Variants in RIPOR2 observed in about 807,000 individuals in gnomAD.
RIPOR2 encodes RHO family interacting cell polarization regulator 2, also known as rho family-interacting cell polarization regulator 2.
In RIPOR2, 39 loss-of-function variants were observed where a neutral mutation model predicts 114.5. The observed-to-expected ratio is 0.34, with a 90% confidence interval of 0.26 to 0.44. The LOEUF is 0.44. Ranked by LOEUF, RIPOR2 falls within the 20% of genes least tolerant of loss-of-function variation. The probability of loss-of-function intolerance (pLI) is 1.00; values close to 1 mark genes in which losing one functional copy is unlikely to be tolerated. For synonymous variants in RIPOR2, 445 were observed against 484.4 expected (o/e 0.92, Z 1.07); for missense variants, 1,007 against 1,255.1 (o/e 0.80, Z 2.99).
At chr6:24,996,791 A>G (rs1775068282) in intron 1 of RIPOR2, among the ~76,000 whole-genome samples, 1 of 152,218 alleles carries the variant, frequency 6.6e-6, no homozygotes, top group African/African-American at 2.4e-5. Flanking sequence ...CTTCTATTAT[A>G]GCACTTACTG....
In RIPOR2 at chr6:24,920,292, A is replaced by G. The variant is rs1770382336; in HGVS notation, c.61+15546T>C. On this transcript the variant is annotated intron_variant, in intron 1 of 21. Coordinates refer to ENST00000643898, the MANE Select transcript of RIPOR2 (RefSeq NM_001286445.3). ...ATGTATGGCCTTGGAGCAAAAGGGC[A>G]AGAAATGCAAGCATGTGAACTTGGT... Among the ~76,000 whole-genome samples the G allele has an allele frequency of 2.0e-5, 3 of 152,244 alleles. No individual in the cohort carries two copies. In the South Asian group the frequency reaches 6.2e-4, roughly 31 times the overall value.
At chr6:24,982,975 T>A (rs998673961) in intron 1 of RIPOR2, among the ~76,000 whole-genome samples, 2 of 152,180 alleles carry the variant, frequency 1.3e-5, no homozygotes. Flanking sequence ...AGCCAATCAG[T>A]AGCTTAGGTT....
intron 1 of RIPOR2, among the ~76,000 whole-genome samples, chr6:24,889,152 C>T (rs963801128): frequency 1.4e-4 from 22 of 152,166 alleles, no homozygotes; most frequent in African/African-American, 4.6e-4. Context: ...TGGGGATCAT[C>T]AAGAGATGCA....
intron 13 of RIPOR2, chr6:24,840,902 G>A (rs552507760): frequency 2.7e-4 from 233 of 848,952 alleles, no homozygotes; most frequent in Non-Finnish European, 3.8e-4. Flanking sequence ...CAGTCTCAGG[G>A]GGAGACAGGG....
chr6:24,810,731 T>C (rs750598332), intron 20 of RIPOR2, among the ~76,000 whole-genome samples: 1 of 151,768 alleles, frequency 6.6e-6, no homozygotes, highest in Non-Finnish European at 1.5e-5. Context: ...TAGCAATCAC[T>C]GTGGGCTTTC....
chr6:24,825,469 C>A (rs780165936), intron 18 of RIPOR2, 41 bp from the exon 19 acceptor site: 145 of 1,371,574 alleles, frequency 1.1e-4, no homozygotes, highest in Non-Finnish European at 1.4e-4. Context: ...TTCTGACATG[C>A]TAAAGTAATC....
chr6:24,918,040 C>A (rs1163213849), intron 1 of RIPOR2, among the ~76,000 whole-genome samples: 1 of 152,208 alleles, frequency 6.6e-6, no homozygotes, highest in African/African-American at 2.4e-5. Context: ...TCTTCTGTCT[C>A]CTGGAGGGCT....
At position 24,804,945 on chromosome 6, in the gene RIPOR2, A is replaced by G. The variant is rs2113605715; in HGVS notation, c.*1428T>C. ...TCTCTGATACTGAAGCAATAATGGGACCTGATGTTTGAACTATTTGGCCAG... is the reference window on the plus strand; with the variant it reads ...TCTCTGATACTGAAGCAATAATGGGGCCTGATGTTTGAACTATTTGGCCAG... On this transcript the variant is annotated 3_prime_UTR_variant, in exon 22 of 22. Transcript: ENST00000643898. 6.6e-6 allele frequency: 1 copy of G among 152,264 alleles called. No homozygotes were observed. The highest frequency in any genetic ancestry group is 2.1e-4 in the South Asian group (1 of 4,820). The allele number at this position is 152,264 out of a possible 1,614,324, so 9.4% of individuals were successfully genotyped here.
In RIPOR2 at chr6:24,824,169, T is replaced by A. The variant is rs142666078; in HGVS notation, c.2868+1057A>T. Among the ~76,000 whole-genome samples, 183 of 152,346 alleles carry A rather than the reference T, an allele frequency of 1.2e-3. 1 individual carries two copies. The East Asian group carries it at 0.015, about 12-fold the overall frequency. On this transcript the variant is annotated intron_variant, in intron 19 of 21. Coordinates refer to ENST00000643898, the MANE Select transcript of RIPOR2 (RefSeq NM_001286445.3). ...ACACTCAGATGCGTATATATCCTGC[T>A]ACCAGCATGTTCACGATTCTTTAAT...
chr6:24,954,633 A>C (rs1772947310), intron 1 of RIPOR2, among the ~76,000 whole-genome samples: 1 of 151,554 alleles, frequency 6.6e-6, no homozygotes, highest in South Asian at 2.1e-4. Context: ...TTTTTTGTAG[A>C]GACAATATCT....
chr6:24,847,595 A>G, intron 12 of RIPOR2: 1 of 1,551,740 alleles, frequency 6.4e-7, no homozygotes, highest in South Asian at 1.2e-5. Flanking sequence ...AGGTCACTGA[A>G]GGAGCGGCTG....
At chr6:24,847,429 T>G (rs1426249323) in intron 12 of RIPOR2, 1 of 1,120,248 alleles carries the variant, frequency 8.9e-7, no homozygotes, top group Non-Finnish European at 1.3e-6. Flanking sequence ...ACAGTACAGC[T>G]GTAACCATAC....
chr6:25,016,061 G>A (rs999311013), intron 1 of RIPOR2, among the ~76,000 whole-genome samples: 1 of 151,570 alleles, frequency 6.6e-6, no homozygotes, highest in Non-Finnish European at 1.5e-5. Flanking sequence ...GCGCCATCAT[G>A]CCTAGCTAAT....
rs571230073 is a variant in RIPOR2 at position 24,808,198 on chromosome 6, T to G, written c.3043+1519A>C. Among the ~76,000 whole-genome samples the G allele has an allele frequency of 6.6e-5, 10 of 152,282 alleles. 1 individual carries two copies. In the South Asian group the frequency reaches 1.7e-3, roughly 25 times the overall value. The stretch of plus-strand genomic sequence containing the variant: ...ATGAAGAGCTAAGGTGAAGCAGGTA[T>G]GGTGATGGCTTCTGGAGATGCTGCT... On this transcript the variant is annotated intron_variant, in intron 21 of 21. Coordinates refer to ENST00000643898, the MANE Select transcript of RIPOR2 (RefSeq NM_001286445.3).
At chr6:24,919,646 G>A (rs542878129) in intron 1 of RIPOR2, among the ~76,000 whole-genome samples, 3 of 152,170 alleles carry the variant, frequency 2.0e-5, no homozygotes, top group Admixed American at 6.5e-5. Context: ...ACCTGCTCTC[G>A]TTTGTTCTCT....
At position 24,969,394 on chromosome 6, in the gene RIPOR2, G is replaced by C. The variant is rs551658931; in HGVS notation, c.76+72457C>G. ...TTAACAAGATCCTGGGGTGATTCAC[G>C]TGCAGGTTAAATTTTAGGGAGCTGG... On this transcript the variant is annotated intron_variant, in intron 1 of 13. Transcript: ENST00000510784. Among the ~76,000 whole-genome samples, 9 of 152,322 alleles carry C rather than the reference G, an allele frequency of 5.9e-5. No individual in the cohort carries two copies. In the East Asian group the frequency reaches 1.5e-3, roughly 26 times the overall value.
At chr6:24,989,957 G>A (rs776271801) in intron 1 of RIPOR2, among the ~76,000 whole-genome samples, 1 of 151,890 alleles carries the variant, frequency 6.6e-6, no homozygotes, top group East Asian at 1.9e-4. Flanking sequence ...CTTGAACCTG[G>A]GAGACAGAGG....
chr6:24,857,879 C>G (rs1332269651), intron 8 of RIPOR2, among the ~76,000 whole-genome samples: 1 of 152,154 alleles, frequency 6.6e-6, no homozygotes, highest in Non-Finnish European at 1.5e-5. Flanking sequence ...CTCCGTTTAG[C>G]CTGGCATTCA....
chr6:24,935,268 A>G (rs1361605134), intron 1 of RIPOR2, among the ~76,000 whole-genome samples: 1 of 147,650 alleles, frequency 6.8e-6, no homozygotes, highest in Non-Finnish European at 1.5e-5. Context: ...AGATTGCACC[A>G]CTGCACTCCA....
Sources: gnomAD v4.1 joint callset for allele counts (sites outside exome capture counted in the v4.1 genomes callset) on GRCh38, gnomAD v4.1.1 for gene constraint, MANE v1.5 for transcripts, NCBI Gene and HGNC (gene_info 2026-07-23, HGNC 2026-07-21) for gene names.